Variants in ACSF3 observed in about 807,000 individuals in gnomAD.
The protein encoded by ACSF3 is malonate--CoA ligase ACSF3, mitochondrial.
In ACSF3, 78 loss-of-function variants were observed where a neutral mutation model predicts 53.2. That is an observed-to-expected ratio of 1.47 (90% CI 1.22 to 1.77). The LOEUF is 1.77. ACSF3 is among the 40% of genes most tolerant of loss of function. The pLI, the probability that ACSF3 is intolerant of heterozygous loss-of-function variation, is 0.00. For missense variants in ACSF3, 937 were observed against 771.1 expected, an observed-to-expected ratio of 1.22 and a Z score of -2.55; for synonymous variants, 414 against 333.1, an observed-to-expected ratio of 1.24 and a Z score of -2.65.
At chr16:89,115,944 C>T (rs1011646049) in intron 6 of ACSF3, among the ~76,000 whole-genome samples, 34 of 152,200 alleles carry the variant, frequency 2.2e-4, no homozygotes, top group African/African-American at 8.2e-4. Flanking sequence ...GGTTTGTCTT[C>T]CCATTCACCT....
chr16:89,140,499 C>T (rs922739865), intron 8 of ACSF3, among the ~76,000 whole-genome samples: 4 of 152,178 alleles, frequency 2.6e-5, no homozygotes, highest in Admixed American at 2.0e-4. Flanking sequence ...AGGACTGGGG[C>T]CAAGCTTCAC....
chr16:89,130,645 C>T (rs1018593428), intron 7 of ACSF3, among the ~76,000 whole-genome samples: 2 of 152,102 alleles, frequency 1.3e-5, no homozygotes. Flanking sequence ...AATCAGTGGG[C>T]GCAGGAACCC....
chr16:89,095,508 C>T (rs955848571), intron 1 of ACSF3, among the ~76,000 whole-genome samples: 1 of 151,780 alleles, frequency 6.6e-6, no homozygotes, highest in African/African-American at 2.4e-5. Flanking sequence ...GCATCCTGCC[C>T]CGCAGGCCGA....
At chr16:89,105,836 G>A (rs1975913094) in intron 4 of ACSF3, among the ~76,000 whole-genome samples, 1 of 152,196 alleles carries the variant, frequency 6.6e-6, no homozygotes, top group Non-Finnish European at 1.5e-5. Context: ...GTCCCGGAGG[G>A]CAGGTTGGTT....
intron 4 of ACSF3, among the ~76,000 whole-genome samples, chr16:89,111,282 T>G (rs1405562860): frequency 2.0e-5 from 3 of 152,262 alleles, no homozygotes; most frequent in Non-Finnish European, 2.9e-5. Flanking sequence ...TCCCCGGAGA[T>G]TCCTGCCTTT....
Position 89,098,745 on chromosome 16 carries a change from T to C in ACSF3, c.-39T>C, listed in dbSNP as rs1288680624. 1 of 454,164 alleles carries C rather than the reference T, an allele frequency of 2.2e-6. No homozygotes were observed. Among genetic ancestry groups the C allele is most frequent in the Admixed American group, 2.3e-5 (1 of 42,574 alleles). 28.1% of individuals were successfully genotyped at this position (454,164 alleles called of 1,614,324 possible). On this transcript the variant is annotated 5_prime_UTR_variant, in exon 2 of 11. Coordinates refer to ENST00000614302, the MANE Select transcript of ACSF3 (RefSeq NM_001243279.3). Reference sequence around the variant, plus strand: ...ACTGCGAACTTCCCCTTACCTCCTCTCTCTGGCTCGGGAGCTGGGTGAGTT... The same window carrying C: ...ACTGCGAACTTCCCCTTACCTCCTCCCTCTGGCTCGGGAGCTGGGTGAGTT...
At chr16:89,129,560 A>G (rs1242352774) in intron 7 of ACSF3, among the ~76,000 whole-genome samples, 2 of 152,172 alleles carry the variant, frequency 1.3e-5, no homozygotes, top group East Asian at 3.9e-4. Context: ...TGTGTTTTTT[A>G]AATCCAGCCT....
At position 89,112,187 on chromosome 16, in the gene ACSF3, G is replaced by A. The variant is rs942841837; in HGVS notation, c.918G>A (p.Arg306=). The stretch of plus-strand genomic sequence containing the variant: ...CCAAGCTGATGGAGTACTACGACAG[G>A]CATTTTACCCAGCCGCACGCCCAGG... ...IYTKLMEYYD[R]HFTQPHAQDF... Residue 306 remains arginine (R), a synonymous_variant, in exon 5 of 11, where the codon AGG becomes AGA. Transcript: ENST00000614302. 9 of 1,614,086 alleles carry A rather than the reference G, an allele frequency of 5.6e-6. No individual in the cohort carries two copies. In the East Asian group the frequency reaches 1.3e-4, roughly 24 times the overall value.
intron 10 of ACSF3, among the ~76,000 whole-genome samples, chr16:89,147,006 G>C (rs1289079510): frequency 6.6e-6 from 1 of 151,942 alleles, no homozygotes; most frequent in Non-Finnish European, 1.5e-5. Context: ...AAGAAACGGG[G>C]TATAATTGGC....
At chr16:89,095,483 G>T (rs951417237) in intron 1 of ACSF3, among the ~76,000 whole-genome samples, 7 of 152,046 alleles carry the variant, frequency 4.6e-5, no homozygotes, top group Non-Finnish European at 1.0e-4. Flanking sequence ...CAAACCACAG[G>T]TGTGATGCTG....
chr16:89,153,843 C>G, intron 10 of ACSF3: 2 of 557,388 alleles, frequency 3.6e-6, no homozygotes, highest in South Asian at 3.9e-5. Context: ...CCAAGGCCTG[C>G]ACGCACCATG....
At chr16:89,135,598 A>G (rs954235678) in intron 8 of ACSF3, among the ~76,000 whole-genome samples, 7 of 152,164 alleles carry the variant, frequency 4.6e-5, no homozygotes, top group African/African-American at 1.7e-4. Flanking sequence ...CTCCCAATTT[A>G]TCTTTTTTAT....
At chr16:89,143,630 G>C (rs533731720) in intron 8 of ACSF3, among the ~76,000 whole-genome samples, 69 of 152,270 alleles carry the variant, frequency 4.5e-4, no homozygotes, top group African/African-American at 1.4e-3. Flanking sequence ...GGTCCCACGG[G>C]ACTTGGGACA....
chr16:89,129,645 C>A (rs1908871442), intron 7 of ACSF3, among the ~76,000 whole-genome samples: 1 of 152,048 alleles, frequency 6.6e-6, no homozygotes, highest in Non-Finnish European at 1.5e-5. Context: ...TTTAAGCCTA[C>A]CATTTTACTA....
At chr16:89,143,890 G>A (rs1912378440) in intron 8 of ACSF3, among the ~76,000 whole-genome samples, 1 of 152,212 alleles carries the variant, frequency 6.6e-6, no homozygotes, top group African/African-American at 2.4e-5. Flanking sequence ...GTGGATGGAT[G>A]GGGCCTTTCT....
At chr16:89,099,608 C>T (rs971183327) in intron 2 of ACSF3, among the ~76,000 whole-genome samples, 22 of 152,186 alleles carry the variant, frequency 1.4e-4, no homozygotes, top group African/African-American at 5.1e-4. Context: ...TGGTGAACCC[C>T]TCGTCTCTAC....
chr16:89,137,097 C>T (rs556629968), intron 8 of ACSF3, among the ~76,000 whole-genome samples: 2 of 152,300 alleles, frequency 1.3e-5, no homozygotes, highest in African/African-American at 4.8e-5. Flanking sequence ...CAGCAGCAGC[C>T]CCTCCTGGGG....
intron 7 of ACSF3, among the ~76,000 whole-genome samples, chr16:89,128,243 A>G (rs1908549452): frequency 6.7e-6 from 1 of 149,882 alleles, no homozygotes; most frequent in African/African-American, 2.4e-5. Context: ...TATATAATAT[A>G]TATATATTTT....
At chr16:89,138,599 T>C (rs182217234) in intron 8 of ACSF3, among the ~76,000 whole-genome samples, 11 of 152,342 alleles carry the variant, frequency 7.2e-5, no homozygotes, top group Middle Eastern at 3.4e-3. Flanking sequence ...TCAGCCAGGC[T>C]GTGCTGTGAA....
Sources: allele counts gnomAD v4.1 joint callset (sites outside exome capture counted in the v4.1 genomes callset), GRCh38; gene constraint gnomAD v4.1.1; transcripts MANE v1.5; gene names NCBI Gene and HGNC (gene_info 2026-07-23, HGNC 2026-07-21).